COL25A1: variants seen among roughly 807,000 people sequenced by gnomAD.
The protein encoded by COL25A1 is collagen alpha-1(XXV) chain.
COL25A1 carries 103 observed loss-of-function variants against 128.4 expected under a neutral mutation model. The ratio of observed to expected loss-of-function variants is 0.80; its 90% CI spans 0.68 to 0.94. The LOEUF is 0.94. Ranked by LOEUF, COL25A1 falls within the 40% of genes least tolerant of loss-of-function variation. COL25A1 has a pLI of 0.00. For synonymous variants in COL25A1, 279 were observed against 277.2 expected (o/e 1.01, Z -0.06); for missense variants, 745 against 840.0 (o/e 0.89, Z 1.40).
chr4:108,984,143 A>G (rs2126001933), intron 6 of COL25A1, among the ~76,000 whole-genome samples: 1 of 152,352 alleles, frequency 6.6e-6, no homozygotes, highest in South Asian at 2.1e-4. Context: ...AGTCCCCACC[A>G]GAGTAGCTAG....
At chr4:108,959,899 T>A (rs1427674005) in intron 8 of COL25A1, among the ~76,000 whole-genome samples, 1 of 152,160 alleles carries the variant, frequency 6.6e-6, no homozygotes, top group Non-Finnish European at 1.5e-5. Flanking sequence ...AAAAGTCTAA[T>A]AGATCTCCAG....
Position 109,081,710 on chromosome 4 carries a change from A to C in COL25A1, c.368-31531T>G, listed in dbSNP as rs531980022. 1.8e-3 allele frequency among the ~76,000 whole-genome samples: 258 copies of C among 147,334 alleles called. 1 individual carries two copies. Among genetic ancestry groups the C allele is most frequent in the Non-Finnish European group, 3.0e-3 (199 of 66,406 alleles). ...ACTAATCTATTTTGTTTTTTCTTTT[A>C]TTTTTTTTTTTGAGACAGAGTCTCA... On this transcript the variant is annotated intron_variant, in intron 3 of 37. Coordinates refer to ENST00000399132, the MANE Select transcript of COL25A1 (RefSeq NM_198721.4).
chr4:108,847,215 T>C (rs1735219407), intron 27 of COL25A1, among the ~76,000 whole-genome samples: 3 of 152,114 alleles, frequency 2.0e-5, no homozygotes, highest in Non-Finnish European at 4.4e-5. Context: ...CTGAATTTTA[T>C]AATATTAATA....
intron 24 of COL25A1, among the ~76,000 whole-genome samples, chr4:108,854,398 T>G (rs977484442): frequency 2.6e-5 from 4 of 151,948 alleles, no homozygotes; most frequent in African/African-American, 7.3e-5. Context: ...AGCTTCTGAA[T>G]AGCAAAAAAA....
chr4:108,954,572 T>C (rs1232969840), intron 8 of COL25A1, among the ~76,000 whole-genome samples: 1 of 152,136 alleles, frequency 6.6e-6, no homozygotes, highest in East Asian at 1.9e-4. Flanking sequence ...GATTAGATTG[T>C]CTTCGTTACT....
At chr4:109,216,270 A>AAAGGAAGG (rs150574564) in intron 3 of COL25A1, among the ~76,000 whole-genome samples, 9 of 148,104 alleles carry the variant, frequency 6.1e-5, no homozygotes, top group Admixed American at 4.7e-4. Flanking sequence ...GGAAGGAAAA[A>AAAGGAAGG]AAGGAAGGAA....
chr4:108,856,020 C>T (rs6834413), intron 24 of COL25A1, among the ~76,000 whole-genome samples: 140,074 of 152,292 alleles, frequency 0.92, 64,450 homozygotes, highest in Middle Eastern at 0.97. Flanking sequence ...TGAGACGCGA[C>T]GTGAAATGGG....
Position 108,957,432 on chromosome 4 carries a change from T to C in COL25A1, c.493-15995A>G, listed in dbSNP as rs1750195588. The stretch of plus-strand genomic sequence containing the variant: ...AACCAGTAATGGAAGAGCTTTAAGG[T>C]TCATTTCACCCATGAGCTTCAGTGT... On this transcript the variant is annotated intron_variant, in intron 8 of 37. Coordinates refer to ENST00000399132, the MANE Select transcript of COL25A1 (RefSeq NM_198721.4). Among the ~76,000 whole-genome samples, 3 of 152,100 alleles carry C rather than the reference T, an allele frequency of 2.0e-5. No homozygotes were observed. In the South Asian group the frequency reaches 6.2e-4, roughly 32 times the overall value.
chr4:108,845,132 C>T (rs1424771941), intron 29 of COL25A1, 57 bp downstream of exon 29: 1 of 1,398,684 alleles, frequency 7.1e-7, no homozygotes, highest in Non-Finnish European at 1.0e-6. Flanking sequence ...AGGTAAGTAA[C>T]ATGTCAGTGT....
At chr4:109,019,357 C>A (rs1214665253) in intron 5 of COL25A1, among the ~76,000 whole-genome samples, 2 of 66,530 alleles carry the variant, frequency 3.0e-5, no homozygotes, top group Non-Finnish European at 5.9e-5. Flanking sequence ...CATACACACA[C>A]ACACACACAC....
chr4:108,877,990 A>G (rs1484612141), intron 19 of COL25A1, among the ~76,000 whole-genome samples: 1 of 152,182 alleles, frequency 6.6e-6, no homozygotes, highest in African/African-American at 2.4e-5. Context: ...GAGAAGAATC[A>G]ACAAATACTT....
At chr4:109,173,574 T>A (rs1773792750) in intron 3 of COL25A1, among the ~76,000 whole-genome samples, 1 of 152,226 alleles carries the variant, frequency 6.6e-6, no homozygotes, top group African/African-American at 2.4e-5. Context: ...AGCTTCTCTA[T>A]GAGTATTGCT....
chr4:109,008,744 T>C (rs1231088128), intron 6 of COL25A1, among the ~76,000 whole-genome samples: 1 of 151,274 alleles, frequency 6.6e-6, no homozygotes, highest in Non-Finnish European at 1.5e-5. Context: ...TTTATACACA[T>C]ACATGCGCGC....
chr4:109,158,348 T>C lies in COL25A1; in HGVS notation c.368-108169A>G, dbSNP rs902210866. Among the ~76,000 whole-genome samples the C allele has an allele frequency of 2.0e-5, 3 of 151,738 alleles. No homozygotes were observed. In the East Asian group the frequency reaches 5.8e-4, roughly 29 times the overall value. ...AAAAGACTAAACATTTTCCCAACAA[T>C]GCCTCCAACTCTCCCCAACTAAAAC... On this transcript the variant is annotated intron_variant, in intron 3 of 37. Coordinates refer to ENST00000399132, the MANE Select transcript of COL25A1 (RefSeq NM_198721.4).
chr4:109,221,974 G>T (rs1373825730), intron 3 of COL25A1, among the ~76,000 whole-genome samples: 3 of 151,544 alleles, frequency 2.0e-5, no homozygotes, highest in African/African-American at 7.3e-5. Context: ...CAGCAAAATA[G>T]GCATATTCTT....
chr4:109,248,713 A>G (rs752217473), intron 3 of COL25A1, among the ~76,000 whole-genome samples: 10 of 152,124 alleles, frequency 6.6e-5, no homozygotes, highest in Non-Finnish European at 1.3e-4. Context: ...ACATCAGTCC[A>G]GCTCTCCGGT....
Position 109,027,931 on chromosome 4 carries a change from T to C in COL25A1, c.421-17556A>G, listed in dbSNP as rs558998052. Among the ~76,000 whole-genome samples the C allele has an allele frequency of 1.7e-4, 26 of 152,240 alleles. No individual in the cohort carries two copies. In the South Asian group the frequency reaches 5.0e-3, roughly 29 times the overall value. On this transcript the variant is annotated intron_variant, in intron 5 of 37. Coordinates refer to ENST00000399132, the MANE Select transcript of COL25A1 (RefSeq NM_198721.4). Reference sequence around the variant, plus strand: ...TCTAGGAGACATCCATGTGCAAACGTTGAATAGATAGTTGGATATGCAAGT... The same window carrying C: ...TCTAGGAGACATCCATGTGCAAACGCTGAATAGATAGTTGGATATGCAAGT...
chr4:109,208,911 T>C (rs1777263449), intron 3 of COL25A1, among the ~76,000 whole-genome samples: 1 of 152,224 alleles, frequency 6.6e-6, no homozygotes, highest in African/African-American at 2.4e-5. Context: ...CTTACACTTA[T>C]CTACCTCCTG....
chr4:109,127,797 G>C (rs1218952511), intron 3 of COL25A1, among the ~76,000 whole-genome samples: 1 of 152,170 alleles, frequency 6.6e-6, no homozygotes, highest in South Asian at 2.1e-4. Context: ...AGTTACCCCA[G>C]ACAAGGACGC....
Sources: gnomAD v4.1 joint callset for allele counts (sites outside exome capture counted in the v4.1 genomes callset) on GRCh38, gnomAD v4.1.1 for gene constraint, MANE v1.5 for transcripts, NCBI Gene and HGNC (gene_info 2026-07-23, HGNC 2026-07-21) for gene names.